The following OR1J2 variants were observed in gnomAD, a reference collection of about 807,000 sequenced individuals.
The protein encoded by OR1J2 is olfactory receptor 1J2.
For synonymous variants in OR1J2, 142 were observed against 99.7 expected, an observed-to-expected ratio of 1.42 and a Z score of -2.52; for missense variants, 304 against 246.1, an observed-to-expected ratio of 1.24 and a Z score of -1.57.
chr9:122,552,309 G>C, the OR1J2 span, among the ~76,000 whole-genome samples: 2 of 152,070 alleles, frequency 1.3e-5, no homozygotes, highest in African/African-American at 4.8e-5. Context: ...AAACAGACTG[G>C]TTATTTTCAA....
the OR1J2 span, among the ~76,000 whole-genome samples, chr9:122,530,179 T>C: frequency 6.6e-6 from 1 of 152,060 alleles, no homozygotes; most frequent in Non-Finnish European, 1.5e-5. Context: ...GCCAGATCAG[T>C]AGGGGAGGCT....
At chr9:122,498,833 A>G in the OR1J2 span, among the ~76,000 whole-genome samples, 3 of 151,936 alleles carry the variant, frequency 2.0e-5, no homozygotes, top group South Asian at 6.2e-4. Context: ...GTTATTATTT[A>G]TTATTTCCCT....
chr9:122,549,139 T>C, the OR1J2 span, among the ~76,000 whole-genome samples: 1 of 152,124 alleles, frequency 6.6e-6, no homozygotes, highest in Admixed American at 6.6e-5. Context: ...TGAGAGATGT[T>C]TGGGTCATGA....
the OR1J2 span, among the ~76,000 whole-genome samples, chr9:122,486,502 A>G: frequency 3.9e-5 from 6 of 152,230 alleles, no homozygotes; most frequent in African/African-American, 1.4e-4. Context: ...GAGTTTAAGG[A>G]TGAATAAAAA....
At chr9:122,568,327 G>A in the OR1J2 span, 962 of 1,614,084 alleles carry the variant, frequency 6.0e-4, 10 homozygotes, top group African/African-American at 0.011. Context: ...GGGTTGAAGC[G>A]AATGGCCAGG....
chr9:122,511,872 T>C (rs1828645139), downstream of OR1J2: 4 of 630,844 alleles, frequency 6.3e-6, no homozygotes, highest in South Asian at 7.7e-5. Context: ...TTGAATGTAA[T>C]TGGTAAATAT....
chr9:122,463,793 C>T, the OR1J2 span, among the ~76,000 whole-genome samples: 4 of 152,140 alleles, frequency 2.6e-5, no homozygotes, highest in Non-Finnish European at 5.9e-5. Context: ...CAGGTCTCTC[C>T]GCCACAGATA....
the OR1J2 span, among the ~76,000 whole-genome samples, chr9:122,558,930 C>A: frequency 6.6e-6 from 1 of 151,944 alleles, no homozygotes; most frequent in Non-Finnish European, 1.5e-5. Flanking sequence ...TTAATTGACA[C>A]AATGATTATA....
the OR1J2 span, among the ~76,000 whole-genome samples, chr9:122,557,779 G>T: frequency 2.6e-5 from 4 of 152,132 alleles, no homozygotes; most frequent in South Asian, 2.1e-4. Flanking sequence ...AGATTGCAGA[G>T]AATTGGCATA....
chr9:122,560,160 T>G, the OR1J2 span, among the ~76,000 whole-genome samples: 1 of 152,318 alleles, frequency 6.6e-6, no homozygotes, highest in Admixed American at 6.5e-5. Context: ...CCCCTCTTTT[T>G]TTTTGCTTTC....
the OR1J2 span, among the ~76,000 whole-genome samples, chr9:122,493,904 T>A: frequency 1.3e-5 from 2 of 152,018 alleles, no homozygotes; most frequent in African/African-American, 4.8e-5. Flanking sequence ...TCACTATTAC[T>A]CAGTTCAAAG....
the OR1J2 span, among the ~76,000 whole-genome samples, chr9:122,488,823 A>T: frequency 4.0e-5 from 6 of 151,850 alleles, no homozygotes; most frequent in Non-Finnish European, 8.8e-5. Flanking sequence ...GAATTTTGTG[A>T]GGCACTGTAA....
the OR1J2 span, among the ~76,000 whole-genome samples, chr9:122,552,943 C>A: frequency 9.9e-5 from 15 of 152,102 alleles, no homozygotes; most frequent in Admixed American, 9.8e-4. Flanking sequence ...TCAAACAAAT[C>A]TCTTTTCTTT....
the OR1J2 span, among the ~76,000 whole-genome samples, chr9:122,468,268 T>C: frequency 6.6e-6 from 1 of 152,198 alleles, no homozygotes; most frequent in East Asian, 1.9e-4. Flanking sequence ...ATGAATTACA[T>C]TTAGAACCAG....
chr9:122,456,474 C>T, the OR1J2 span, among the ~76,000 whole-genome samples: 1 of 152,102 alleles, frequency 6.6e-6, no homozygotes, highest in African/African-American at 2.4e-5. Flanking sequence ...TTATCTTATT[C>T]TTTAATTTTC....
At chr9:122,477,903 G>A in the OR1J2 span, 54 of 1,605,486 alleles carry the variant, frequency 3.4e-5, no homozygotes, top group African/African-American at 1.7e-4. Context: ...ACTCGGACAC[G>A]CTGCTCTGGT....
chr9:122,533,911 G>A, the OR1J2 span, among the ~76,000 whole-genome samples: 13 of 152,086 alleles, frequency 8.5e-5, no homozygotes, highest in East Asian at 3.9e-4. Flanking sequence ...CCGCTAAGCC[G>A]AGAAGATCTG....
At chr9:122,568,197 G>A in the OR1J2 span, 1 of 1,614,098 alleles carries the variant, frequency 6.2e-7, no homozygotes, top group South Asian at 1.1e-5. Context: ...CCCAGCATAG[G>A]AGATGGTCTT....
chr9:122,504,577 T>G, the OR1J2 span, among the ~76,000 whole-genome samples: 2 of 152,180 alleles, frequency 1.3e-5, no homozygotes, highest in African/African-American at 4.8e-5. Context: ...ATATAATAAC[T>G]TGTCCTTTGC....
Sources: gnomAD v4.1 joint callset for allele counts (sites outside exome capture counted in the v4.1 genomes callset) on GRCh38, gnomAD v4.1.1 for gene constraint, MANE v1.5 for transcripts, NCBI Gene and HGNC (gene_info 2026-07-23, HGNC 2026-07-21) for gene names.